ME3: variants seen among roughly 807,000 people sequenced by gnomAD.
The protein encoded by ME3 is malic enzyme 3, also known as NADP-dependent malic enzyme, mitochondrial.
In ME3, 48 loss-of-function variants were observed where a neutral mutation model predicts 68.9. That is an observed-to-expected ratio of 0.70 (90% confidence interval 0.55 to 0.89). The LOEUF (loss-of-function observed/expected upper bound fraction) is 0.89. Ranked by LOEUF, ME3 falls within the 40% of genes least tolerant of loss-of-function variation. The pLI is 0.00. For synonymous variants in ME3, 320 were observed against 318.8 expected (o/e 1.00, Z -0.04); for missense variants, 675 against 797.4 (o/e 0.85, Z 1.85).
At chr11:86,564,201 A>G (rs867704821) in intron 2 of ME3, among the ~76,000 whole-genome samples, 18 of 151,656 alleles carry the variant, frequency 1.2e-4, no homozygotes, top group Admixed American at 6.6e-4. Context: ...TCATATGTTT[A>G]TTTTCTATCT....
At chr11:86,475,606 G>T (rs878995082) in intron 7 of ME3, among the ~76,000 whole-genome samples, 1 of 151,988 alleles carries the variant, frequency 6.6e-6, no homozygotes, top group Admixed American at 6.6e-5. Flanking sequence ...ATGAAGGAGG[G>T]CACATAATTG....
chr11:86,633,824 A>G (rs1944165110), intron 2 of ME3, among the ~76,000 whole-genome samples: 1 of 152,166 alleles, frequency 6.6e-6, no homozygotes, highest in East Asian at 1.9e-4. Flanking sequence ...GGGAGGTTAC[A>G]TGTCCACCAT....
intron 4 of ME3, among the ~76,000 whole-genome samples, chr11:86,541,116 A>G (rs1956019648): frequency 6.6e-6 from 1 of 152,192 alleles, no homozygotes; most frequent in Admixed American, 6.5e-5. Flanking sequence ...CCCAGATACT[A>G]TGCTTTTCCC....
intron 2 of ME3, among the ~76,000 whole-genome samples, chr11:86,632,227 C>T (rs1424707960): frequency 6.6e-6 from 1 of 152,180 alleles, no homozygotes; most frequent in Non-Finnish European, 1.5e-5. Context: ...CAAGAGAGTG[C>T]AGCCTGAGCA....
At chr11:86,580,386 T>C (rs901774007) in intron 2 of ME3, among the ~76,000 whole-genome samples, 1 of 152,080 alleles carries the variant, frequency 6.6e-6, no homozygotes, top group Non-Finnish European at 1.5e-5. Context: ...AGTTAATATT[T>C]AAAGTCTCTT....
chr11:86,518,426 C>T (rs542729588), intron 4 of ME3, among the ~76,000 whole-genome samples: 9 of 152,280 alleles, frequency 5.9e-5, no homozygotes, highest in African/African-American at 2.2e-4. Flanking sequence ...TTACATTCCC[C>T]ATATATCTTC....
At chr11:86,539,502 A>G (rs11234686) in intron 4 of ME3, among the ~76,000 whole-genome samples, 7,147 of 152,062 alleles carry the variant, frequency 0.047, 232 homozygotes, top group Non-Finnish European at 0.069. Flanking sequence ...TCCTTATTTC[A>G]TTTGAATCAT....
intron 2 of ME3, among the ~76,000 whole-genome samples, chr11:86,644,270 CTCTAACTGG>C (rs1399744112): frequency 6.6e-6 from 1 of 152,184 alleles, no homozygotes; most frequent in East Asian, 1.9e-4. Flanking sequence ...CTGCACTAGC[CTCTAACTGG>C]TCTTGCTTCT....
At chr11:86,582,396 T>C (rs1958490700) in intron 2 of ME3, among the ~76,000 whole-genome samples, 1 of 152,222 alleles carries the variant, frequency 6.6e-6, no homozygotes. Context: ...CCCCTACCTG[T>C]AAATGTTGAT....
rs548863872 is a variant in ME3, at chr11:86,551,116, C to T, written c.467+5437G>A. Among the ~76,000 whole-genome samples, 5 of 152,070 alleles carry T rather than the reference C, an allele frequency of 3.3e-5. No individual in the cohort carries two copies. The South Asian group carries it at 8.3e-4, about 25-fold the overall frequency. On this transcript the variant is annotated intron_variant, in intron 4 of 14. Coordinates refer to ENST00000543262, the Ensembl canonical transcript of ME3. ...CCAAGGAGGTAAATGTGAACCTTAA[C>T]CATATCCTCTTATGGGTATGGGGTG... is the stretch of plus-strand genomic sequence containing the variant.
chr11:86,577,559 T>A (rs1958185492), intron 2 of ME3, among the ~76,000 whole-genome samples: 1 of 152,214 alleles, frequency 6.6e-6, no homozygotes, highest in Non-Finnish European at 1.5e-5. Context: ...ACAGTGTTGG[T>A]ATTAAGTTGG....
At chr11:86,524,541 T>G (rs1205664631) in intron 4 of ME3, among the ~76,000 whole-genome samples, 1 of 152,220 alleles carries the variant, frequency 6.6e-6, no homozygotes, top group East Asian at 1.9e-4. Context: ...AAAGCTCGAA[T>G]CCATTTTATG....
intron 2 of ME3, among the ~76,000 whole-genome samples, chr11:86,652,727 CA>C (rs1945542492): frequency 6.6e-6 from 1 of 151,922 alleles, no homozygotes; most frequent in Admixed American, 6.6e-5. Flanking sequence ...ATGACAGGAT[CA>C]AATTCACACA....
At chr11:86,587,809 T>G (rs929152304) in intron 2 of ME3, among the ~76,000 whole-genome samples, 1 of 152,214 alleles carries the variant, frequency 6.6e-6, no homozygotes, top group Non-Finnish European at 1.5e-5. Flanking sequence ...TTGAGTTACT[T>G]TTAGAACAAT....
intron 2 of ME3, among the ~76,000 whole-genome samples, chr11:86,625,263 GAC>G (rs1254437547): frequency 6.6e-6 from 1 of 151,982 alleles, no homozygotes; most frequent in Non-Finnish European, 1.5e-5. Context: ...TGAGTTTGGT[GAC>G]CATAGTTACA....
At chr11:86,604,157 A>G (rs1359511513) in intron 2 of ME3, among the ~76,000 whole-genome samples, 4 of 152,058 alleles carry the variant, frequency 2.6e-5, no homozygotes, top group Non-Finnish European at 5.9e-5. Flanking sequence ...GGTTGTGATA[A>G]GAAGTTGTAG....
chr11:86,623,209 C>T (rs1335353425), intron 2 of ME3, among the ~76,000 whole-genome samples: 2 of 152,124 alleles, frequency 1.3e-5, no homozygotes, highest in African/African-American at 4.8e-5. Flanking sequence ...CCAAATAGAA[C>T]AAAAAGGCAG....
chr11:86,449,870 G>T lies in ME3; in HGVS notation c.1131+19C>A. On this transcript the variant is annotated intron_variant, in intron 10 of 14. Coordinates refer to ENST00000543262, the Ensembl canonical transcript of ME3. ...CTATAAGGTGTCAGGAAACCTCCAGGTCTCCAGACTGACAGTACCTTGACA... is the reference window on the plus strand; with the variant it reads ...CTATAAGGTGTCAGGAAACCTCCAGTTCTCCAGACTGACAGTACCTTGACA... 1.3e-6 allele frequency: 2 copies of T among 1,588,430 alleles called. No individual in the cohort carries two copies. The highest frequency in any genetic ancestry group is 1.7e-6 in the Non-Finnish European group (2 of 1,159,652).
At chr11:86,494,914 T>A (rs1370545392) in intron 6 of ME3, among the ~76,000 whole-genome samples, 1 of 152,188 alleles carries the variant, frequency 6.6e-6, no homozygotes, top group African/African-American at 2.4e-5. Flanking sequence ...TGATTACACC[T>A]AGGTAATAAC....
Sources: gnomAD v4.1 joint callset for allele counts (sites outside exome capture counted in the v4.1 genomes callset) on GRCh38, gnomAD v4.1.1 for gene constraint, MANE v1.5 for transcripts, NCBI Gene and HGNC (gene_info 2026-07-23, HGNC 2026-07-21) for gene names.